The following HS6ST3 variants were observed in gnomAD, a reference collection of about 807,000 sequenced individuals.
HS6ST3 encodes the protein heparan-sulfate 6-O-sulfotransferase 3.
In HS6ST3, 12 loss-of-function variants were observed where a neutral mutation model predicts 36.7. The observed-to-expected ratio is 0.33, with a 90% confidence interval of 0.21 to 0.53. The LOEUF is 0.53. HS6ST3 is among the 20% of genes least tolerant of loss of function. The pLI, the probability that HS6ST3 is intolerant of heterozygous loss-of-function variation, is 0.95. For missense variants in HS6ST3, 584 were observed against 640.9 expected (o/e 0.91, Z 0.96); for synonymous variants, 240 against 257.5 (o/e 0.93, Z 0.65).
rs116456077 is a variant in HS6ST3 at position 96,496,737 on chromosome 13, A to G, written c.708-335753A>G. Reference sequence around the variant, plus strand: ...CACAGACTGCAGAATCACAAGGGGAACACGTTGCTATTTTTTTTTAAGCCA... The same window carrying G: ...CACAGACTGCAGAATCACAAGGGGAGCACGTTGCTATTTTTTTTTAAGCCA... On this transcript the variant is annotated intron_variant, in intron 1 of 1. Transcript: ENST00000376705. Among the ~76,000 whole-genome samples the G allele has an allele frequency of 6.7e-3, 1,016 of 152,262 alleles. 12 individuals carry two copies. The highest frequency in any genetic ancestry group is 0.024 in the African/African-American group (979 of 41,554).
chr13:96,454,141 T>C (rs760181534), intron 1 of HS6ST3, among the ~76,000 whole-genome samples: 7 of 152,114 alleles, frequency 4.6e-5, no homozygotes, highest in Admixed American at 3.3e-4. Context: ...CAGTAGATGT[T>C]GTCAAGATTG....
intron 1 of HS6ST3, among the ~76,000 whole-genome samples, chr13:96,198,264 C>G (rs1327329213): frequency 2.0e-5 from 3 of 152,196 alleles, no homozygotes; most frequent in Admixed American, 2.0e-4. Flanking sequence ...CCGCTTTTTC[C>G]TCCTGGGCCT....
intron 1 of HS6ST3, among the ~76,000 whole-genome samples, chr13:96,121,756 C>T (rs745845900): frequency 1.3e-5 from 2 of 152,158 alleles, no homozygotes; most frequent in African/African-American, 4.8e-5. Flanking sequence ...AGCTGGGGGA[C>T]TCCCTGAATC....
chr13:96,607,806 G>A (rs1442094129), intron 1 of HS6ST3, among the ~76,000 whole-genome samples: 2 of 152,170 alleles, frequency 1.3e-5, no homozygotes, highest in Non-Finnish European at 2.9e-5. Flanking sequence ...AAAGTAGATA[G>A]CGGTGTGCTA....
chr13:96,376,407 GAC>G lies in HS6ST3; in HGVS notation c.707+284839_707+284840del, dbSNP rs372959202. ...TACTGTCTTTCATGTCAAACAGTCAGACTGCAAAGTGATTCAATCCGGACCTA... is the reference window on the plus strand; with the variant it reads ...TACTGTCTTTCATGTCAAACAGTCAGTGCAAAGTGATTCAATCCGGACCTA... On this transcript the variant is annotated intron_variant, in intron 1 of 1. Transcript: ENST00000376705. 3.0e-4 allele frequency among the ~76,000 whole-genome samples: 45 copies of G among 152,294 alleles called. No homozygotes were observed. In the East Asian group the frequency reaches 5.8e-3, roughly 20 times the overall value.
At chr13:96,706,450 A>G (rs1270857911) in intron 1 of HS6ST3, among the ~76,000 whole-genome samples, 4 of 121,128 alleles carry the variant, frequency 3.3e-5, no homozygotes, top group Non-Finnish European at 6.6e-5. Context: ...TAATCAGGGA[A>G]AGTAGCGTTT....
chr13:96,726,802 T>C (rs1303121451), intron 1 of HS6ST3, among the ~76,000 whole-genome samples: 1 of 152,184 alleles, frequency 6.6e-6, no homozygotes, highest in African/African-American at 2.4e-5. Context: ...GTTGCTCCAT[T>C]GTCTTCTCAT....
At chr13:96,162,190 T>A (rs2054138728) in intron 1 of HS6ST3, among the ~76,000 whole-genome samples, 1 of 152,298 alleles carries the variant, frequency 6.6e-6, no homozygotes, top group South Asian at 2.1e-4. Context: ...AAATGTATTT[T>A]AAAAAATTTA....
At position 96,836,274 on chromosome 13, in the gene HS6ST3, A is replaced by T. The variant is rs1226779078; in HGVS notation, c.*3076A>T. On this transcript the variant is annotated 3_prime_UTR_variant, in exon 2 of 2. Coordinates refer to ENST00000376705, the MANE Select transcript of HS6ST3 (RefSeq NM_153456.4). ...GTTCTTTCCCTTCTCTTGGCAATGG[A>T]AGCTCCAGTACCCAGATTGGAGATT... 6.6e-6 allele frequency: 1 copy of T among 152,226 alleles called. No individual in the cohort carries two copies. The highest frequency in any genetic ancestry group is 1.5e-5 in the Non-Finnish European group (1 of 68,048). 9.4% of individuals were successfully genotyped at this position (152,226 alleles called of 1,614,324 possible). A position where few individuals can be genotyped will look rare whatever the true frequency, so the allele number is the denominator to read the frequency against.
chr13:96,602,278 A>T (rs2138983053), intron 1 of HS6ST3, among the ~76,000 whole-genome samples: 1 of 152,076 alleles, frequency 6.6e-6, no homozygotes, highest in Non-Finnish European at 1.5e-5. Flanking sequence ...ATCCATCTCT[A>T]TTTATTTGTG....
intron 1 of HS6ST3, among the ~76,000 whole-genome samples, chr13:96,726,901 G>T (rs970124056): frequency 1.3e-5 from 2 of 151,962 alleles, no homozygotes; most frequent in African/African-American, 4.8e-5. Context: ...TGCTTGTGCT[G>T]CTCAGGGCTC....
chr13:96,153,694 C>T (rs1314243147), intron 1 of HS6ST3, among the ~76,000 whole-genome samples: 4 of 152,166 alleles, frequency 2.6e-5, no homozygotes, highest in Admixed American at 2.6e-4. Context: ...TCTATTAAAA[C>T]TACCAGTATG....
chr13:96,301,401 A>G (rs983374100), intron 1 of HS6ST3, among the ~76,000 whole-genome samples: 1 of 152,156 alleles, frequency 6.6e-6, no homozygotes, highest in Non-Finnish European at 1.5e-5. Context: ...GACTGATCCA[A>G]ATGTTCAGGT....
intron 1 of HS6ST3, among the ~76,000 whole-genome samples, chr13:96,271,334 A>G (rs2054718967): frequency 1.3e-5 from 2 of 152,040 alleles, no homozygotes; most frequent in African/African-American, 4.8e-5. Flanking sequence ...TCATATAATT[A>G]ATTTAAAATT....
intron 1 of HS6ST3, among the ~76,000 whole-genome samples, chr13:96,138,619 C>T (rs1339424290): frequency 2.0e-5 from 3 of 151,950 alleles, no homozygotes; most frequent in African/African-American, 7.2e-5. Context: ...TCTCTCCTGT[C>T]CTAGCTTTCA....
intron 1 of HS6ST3, among the ~76,000 whole-genome samples, chr13:96,575,459 G>C (rs1217135189): frequency 6.6e-6 from 1 of 152,154 alleles, no homozygotes; most frequent in African/African-American, 2.4e-5. Flanking sequence ...GAGCATGCAG[G>C]GTCTCTGAGC....
chr13:96,704,860 G>T (rs1163508931), intron 1 of HS6ST3, among the ~76,000 whole-genome samples: 1 of 152,202 alleles, frequency 6.6e-6, no homozygotes, highest in South Asian at 2.1e-4. Flanking sequence ...AAGGGTCCAA[G>T]TTGCCTGGGA....
Position 96,290,058 on chromosome 13 carries a change from G to A in HS6ST3, c.707+198489G>A, listed in dbSNP as rs184147645. 3.0e-3 allele frequency among the ~76,000 whole-genome samples: 459 copies of A among 152,258 alleles called. 6 individuals are homozygous for A. Among genetic ancestry groups the A allele is most frequent in the Middle Eastern group, 6.8e-3 (2 of 294 alleles). ...GGGAGGGAGGACAGGGAATTTGTCT[G>A]CCTAGCTAGCCCCCCTCTGTATCTT... On this transcript the variant is annotated intron_variant, in intron 1 of 1. Transcript: ENST00000376705.
intron 1 of HS6ST3, among the ~76,000 whole-genome samples, chr13:96,563,498 T>C (rs1167866684): frequency 6.6e-6 from 1 of 152,186 alleles, no homozygotes; most frequent in African/African-American, 2.4e-5. Flanking sequence ...AGCTGCTCTA[T>C]CTTTAGATAT....
Sources: gnomAD v4.1 joint callset for allele counts (sites outside exome capture counted in the v4.1 genomes callset) on GRCh38, gnomAD v4.1.1 for gene constraint, MANE v1.5 for transcripts, NCBI Gene and HGNC (gene_info 2026-07-23, HGNC 2026-07-21) for gene names.